Variants in NRXN1 observed in about 807,000 individuals in gnomAD.
The protein encoded by NRXN1 is neurexin 1, also known as neurexin-1.
NRXN1 carries 39 observed loss-of-function variants against 150.9 expected under a neutral mutation model. The observed-to-expected ratio is 0.26, with a 90% confidence interval of 0.20 to 0.34. The LOEUF is 0.34. NRXN1 is among the 10% of genes least tolerant of loss of function. The pLI, the probability that NRXN1 is intolerant of heterozygous loss-of-function variation, is 1.00. For synonymous variants in NRXN1, 924 were observed against 757.0 expected, an observed-to-expected ratio of 1.22 and a Z score of -3.62; for missense variants, 1,815 against 1,949.9, an observed-to-expected ratio of 0.93 and a Z score of 1.30.
chr2:50,114,804 GA>G (rs1702815847), intron 18 of NRXN1, among the ~76,000 whole-genome samples: 1 of 151,924 alleles, frequency 6.6e-6, no homozygotes, highest in South Asian at 2.1e-4. Context: ...TGACATTCTG[GA>G]AAAGGATAAA....
At position 50,347,308 on chromosome 2, in the gene NRXN1, G is replaced by A. The variant is rs942943483; in HGVS notation, c.3365-110338C>T. On this transcript the variant is annotated intron_variant, in intron 17 of 22. Coordinates refer to ENST00000401669, the MANE Select transcript of NRXN1 (RefSeq NM_001330078.2). This position sits in a 1 kb window ranked among gnomAD's most constrained non-coding sequence, Gnocchi z 4.9. Reference sequence around the variant, plus strand: ...GTTTCGGGCGAGAGTGCGTGCCGGCGGGTGGGGGGCCGAGAAATTGTTTAA... The same window carrying A: ...GTTTCGGGCGAGAGTGCGTGCCGGCAGGTGGGGGGCCGAGAAATTGTTTAA... The A allele has an allele frequency of 1.5e-5, 19 of 1,268,238 alleles. No individual in the cohort carries two copies. The highest frequency in any genetic ancestry group is 1.7e-5 in the Non-Finnish European group (17 of 980,494). The allele number at this position is 1,268,238 out of a possible 1,614,324, so 78.6% of individuals were successfully genotyped here.
intron 5 of NRXN1, among the ~76,000 whole-genome samples, chr2:50,842,188 A>AGGG (rs1672977534): frequency 6.6e-6 from 1 of 152,054 alleles, no homozygotes; most frequent in Admixed American, 6.6e-5. Flanking sequence ...TTAAATCATC[A>AGGG]CCCAACACTT....
At chr2:51,005,705 A>G (rs1700623794) in intron 2 of NRXN1, among the ~76,000 whole-genome samples, 1 of 151,944 alleles carries the variant, frequency 6.6e-6, no homozygotes, top group African/African-American at 2.4e-5. Flanking sequence ...AATAAACCAT[A>G]AGAGAGGAAG....
intron 18 of NRXN1, among the ~76,000 whole-genome samples, chr2:50,150,025 C>G (rs2058604219): frequency 6.6e-6 from 1 of 151,670 alleles, no homozygotes; most frequent in Admixed American, 6.6e-5. Flanking sequence ...GACTTGCACT[C>G]TTTATATTTC....
At chr2:50,095,761 C>G (rs547792368) in intron 18 of NRXN1, among the ~76,000 whole-genome samples, 11 of 44,916 alleles carry the variant, frequency 2.4e-4, no homozygotes, top group Non-Finnish European at 4.1e-4. Context: ...GGAGAACATC[C>G]GACTTTTTTT....
intron 5 of NRXN1, among the ~76,000 whole-genome samples, chr2:50,795,204 A>G (rs975683640): frequency 3.3e-5 from 5 of 152,136 alleles, no homozygotes; most frequent in African/African-American, 1.2e-4. Flanking sequence ...GATAAGATTT[A>G]CCTGGAGGGT....
chr2:50,688,946 A>C (rs1691653679), intron 5 of NRXN1, among the ~76,000 whole-genome samples: 1 of 152,148 alleles, frequency 6.6e-6, no homozygotes, highest in Non-Finnish European at 1.5e-5. Context: ...CTTCCTCCGA[A>C]CACATTTAAG....
intron 17 of NRXN1, among the ~76,000 whole-genome samples, chr2:50,340,632 G>C (rs1298226938): frequency 6.6e-6 from 1 of 151,926 alleles, no homozygotes; most frequent in Non-Finnish European, 1.5e-5. Flanking sequence ...AAGACAACAA[G>C]ACCATGAGGA....
chr2:50,766,198 T>A (rs939948418), intron 5 of NRXN1, among the ~76,000 whole-genome samples: 1 of 151,998 alleles, frequency 6.6e-6, no homozygotes, highest in African/African-American at 2.4e-5. Context: ...AGGTTTTCTA[T>A]CCATCAGAGG....
intron 10 of NRXN1, 97 bp downstream of exon 10, chr2:50,538,156 G>A (rs1335815976): frequency 7.3e-7 from 1 of 1,360,684 alleles, no homozygotes; most frequent in African/African-American, 1.4e-5. Flanking sequence ...CTTCAGTAGA[G>A]TATACATTAC....
rs150848231 is a variant in NRXN1 at position 50,710,834 on chromosome 2, T to A, written c.833-87219A>T. On this transcript the variant is annotated intron_variant, in intron 5 of 22. Coordinates refer to ENST00000401669, the MANE Select transcript of NRXN1 (RefSeq NM_001330078.2). ...GACTACAGTTACTTTGGTTTTCAACTTTTAAACTAGTTTTTTGATATGCCA... is the reference window on the plus strand; with the variant it reads ...GACTACAGTTACTTTGGTTTTCAACATTTAAACTAGTTTTTTGATATGCCA... Among the ~76,000 whole-genome samples, 10 of 152,316 alleles carry A rather than the reference T, an allele frequency of 6.6e-5. No individual in the cohort carries two copies. In the East Asian group the frequency reaches 1.5e-3, roughly 23 times the overall value.
intron 17 of NRXN1, among the ~76,000 whole-genome samples, chr2:50,288,130 T>C (rs13414256): frequency 0.025 from 3,869 of 152,280 alleles, 174 homozygotes; most frequent in African/African-American, 0.087. Flanking sequence ...AATTATGTTG[T>C]ATCATATGAA....
chr2:50,089,687 G>C (rs1004802243), intron 19 of NRXN1, among the ~76,000 whole-genome samples: 1 of 151,404 alleles, frequency 6.6e-6, no homozygotes, highest in African/African-American at 2.4e-5. Flanking sequence ...CTACTAGAGA[G>C]GCCAAGGAAG....
chr2:51,030,908 G>T (rs1470439579), intron 1 of NRXN1, among the ~76,000 whole-genome samples: 2 of 151,148 alleles, frequency 1.3e-5, no homozygotes, highest in African/African-American at 2.4e-5. Flanking sequence ...GTGTAACTCT[G>T]TTGGAGCCAA....
chr2:50,159,080 G>GTTT (rs970610315), intron 18 of NRXN1, among the ~76,000 whole-genome samples: 1 of 151,846 alleles, frequency 6.6e-6, no homozygotes, highest in African/African-American at 2.4e-5. Context: ...TCTCTTTGTT[G>GTTT]TTGTTGTTGT....
intron 19 of NRXN1, among the ~76,000 whole-genome samples, chr2:50,058,436 C>T (rs1244446146): frequency 6.6e-6 from 1 of 152,188 alleles, no homozygotes; most frequent in South Asian, 2.1e-4. Context: ...AATTACAGGA[C>T]AGACTTTATT....
intron 21 of NRXN1, among the ~76,000 whole-genome samples, chr2:49,945,818 T>C (rs1360875398): frequency 6.6e-6 from 1 of 152,202 alleles, no homozygotes; most frequent in Non-Finnish European, 1.5e-5. Context: ...TCCAAGTCTT[T>C]GCTATTGTGA....
intron 18 of NRXN1, among the ~76,000 whole-genome samples, chr2:50,182,762 A>C (rs1234607356): frequency 3.3e-5 from 5 of 152,112 alleles, no homozygotes; most frequent in Admixed American, 2.6e-4. Context: ...ACAGGTATAA[A>C]AAGAAAGTTA....
chr2:50,250,903 G>T (rs1269138854), intron 17 of NRXN1, among the ~76,000 whole-genome samples: 3 of 149,340 alleles, frequency 2.0e-5, no homozygotes, highest in Non-Finnish European at 4.4e-5. Flanking sequence ...ATATGTAATT[G>T]TATATTTATT....
Sources: gnomAD v4.1 joint callset for allele counts (sites outside exome capture counted in the v4.1 genomes callset) on GRCh38, gnomAD v4.1.1 for gene constraint, Gnocchi (gnomAD v3.1) non-coding constraint, MANE v1.5 for transcripts, NCBI Gene and HGNC (gene_info 2026-07-23, HGNC 2026-07-21) for gene names.